The following SHISA9 variants were observed in gnomAD, a reference collection of about 807,000 sequenced individuals.
The protein encoded by SHISA9 is shisa family member 9.
Under a neutral mutation model 38.0 loss-of-function variants are expected in SHISA9, and 13 were observed. That is an observed-to-expected ratio of 0.34 (90% confidence interval 0.22 to 0.54). The LOEUF (loss-of-function observed/expected upper bound fraction) is 0.54. Among genes scored for constraint, SHISA9 ranks in the 20% least tolerant of loss-of-function variants. The pLI is 0.91. For missense variants in SHISA9, 538 were observed against 575.8 expected, an observed-to-expected ratio of 0.93 and a Z score of 0.67; for synonymous variants, 275 against 242.0, an observed-to-expected ratio of 1.14 and a Z score of -1.27.
intron 2 of SHISA9, among the ~76,000 whole-genome samples, chr16:13,010,038 T>G (rs2072651163): frequency 6.6e-6 from 1 of 151,932 alleles, no homozygotes; most frequent in Admixed American, 6.6e-5. Flanking sequence ...ATTAGCTGGT[T>G]GTGGTGGTAC....
chr16:13,552,066 C>T, the SHISA9 span, among the ~76,000 whole-genome samples: 1 of 152,128 alleles, frequency 6.6e-6, no homozygotes, highest in Admixed American at 6.5e-5. Context: ...GGTGGGGACG[C>T]ATTTTGCTTC....
chr16:13,021,161 G>A (rs1213645849), intron 2 of SHISA9, among the ~76,000 whole-genome samples: 1 of 152,162 alleles, frequency 6.6e-6, no homozygotes, highest in Non-Finnish European at 1.5e-5. Flanking sequence ...CTCTCAACCA[G>A]GGACAATTTT....
At chr16:13,205,668 A>G (rs1394313982) in intron 3 of SHISA9, among the ~76,000 whole-genome samples, 1 of 152,184 alleles carries the variant, frequency 6.6e-6, no homozygotes, top group Non-Finnish European at 1.5e-5. Context: ...TCCCTTCTCC[A>G]GAGCTCCCTG....
chr16:13,307,946 A>G, the SHISA9 span, among the ~76,000 whole-genome samples: 1 of 152,190 alleles, frequency 6.6e-6, no homozygotes, highest in Admixed American at 6.5e-5. Flanking sequence ...CTGTTACCAA[A>G]ATGAACTTGC....
chr16:13,539,221 C>T, the SHISA9 span, among the ~76,000 whole-genome samples: 206 of 149,956 alleles, frequency 1.4e-3, 2 homozygotes, highest in African/African-American at 4.9e-3. Context: ...CCTTGACCTC[C>T]CAAGCTCAAG....
the SHISA9 span, among the ~76,000 whole-genome samples, chr16:13,513,382 T>G: frequency 6.6e-6 from 1 of 152,246 alleles, no homozygotes; most frequent in African/African-American, 2.4e-5. Context: ...GTTTTTACAC[T>G]GTTGGTAGGA....
chr16:13,481,250 T>C, the SHISA9 span, among the ~76,000 whole-genome samples: 1 of 152,246 alleles, frequency 6.6e-6, no homozygotes. Flanking sequence ...ATTTAGAATT[T>C]TCATGACATT....
chr16:13,474,775 T>A, the SHISA9 span, among the ~76,000 whole-genome samples: 2 of 152,174 alleles, frequency 1.3e-5, no homozygotes, highest in East Asian at 3.9e-4. Context: ...ATGACAAGAA[T>A]AAGACAACCA....
At chr16:13,280,733 G>A in the SHISA9 span, among the ~76,000 whole-genome samples, 12 of 151,592 alleles carry the variant, frequency 7.9e-5, no homozygotes, top group Non-Finnish European at 1.6e-4. Flanking sequence ...CCCTTTCCTT[G>A]TATCATACCC....
chr16:13,256,905 G>A, the SHISA9 span, among the ~76,000 whole-genome samples: 1 of 152,288 alleles, frequency 6.6e-6, no homozygotes, highest in East Asian at 1.9e-4. Flanking sequence ...TGAAATCAGT[G>A]AACCTTCCCC....
At chr16:12,955,754 A>T (rs2071824461) in intron 2 of SHISA9, among the ~76,000 whole-genome samples, 1 of 152,138 alleles carries the variant, frequency 6.6e-6, no homozygotes, top group Non-Finnish European at 1.5e-5. Context: ...GCAAAAATTA[A>T]CTCAAGATGA....
the SHISA9 span, among the ~76,000 whole-genome samples, chr16:13,546,766 A>G: frequency 2.0e-5 from 3 of 152,134 alleles, no homozygotes; most frequent in Non-Finnish European, 4.4e-5. Flanking sequence ...CCATTTTTAC[A>G]TGTTCATGGC....
At chr16:13,316,800 C>T in the SHISA9 span, among the ~76,000 whole-genome samples, 1 of 152,126 alleles carries the variant, frequency 6.6e-6, no homozygotes, top group Non-Finnish European at 1.5e-5. Context: ...AAATATACAC[C>T]TCCTTCAAGA....
chr16:13,110,246 A>G (rs1351728852), intron 2 of SHISA9, among the ~76,000 whole-genome samples: 1 of 152,148 alleles, frequency 6.6e-6, no homozygotes. Context: ...ATTTCCGCCT[A>G]CTAGTCATTC....
At chr16:13,015,627 G>A (rs7200687) in intron 2 of SHISA9, among the ~76,000 whole-genome samples, 152,077 of 152,236 alleles carry the variant, frequency 1, 75,959 homozygotes, top group Non-Finnish European at 1. Context: ...CAATGCTAGC[G>A]TAAAATTGCC....
intron 2 of SHISA9, among the ~76,000 whole-genome samples, chr16:13,037,516 G>A (rs1024470473): frequency 2.1e-5 from 3 of 142,726 alleles, no homozygotes; most frequent in Non-Finnish European, 4.7e-5. Context: ...AATGTCTGAG[G>A]GTATGGACAG....
At chr16:13,115,475 T>G (rs979059806) in intron 2 of SHISA9, among the ~76,000 whole-genome samples, 3 of 152,254 alleles carry the variant, frequency 2.0e-5, no homozygotes, top group African/African-American at 4.8e-5. Flanking sequence ...AGATCACTAA[T>G]GCTTTTGTTT....
At position 12,916,550 on chromosome 16, in the gene SHISA9, C is replaced by G. The variant is rs957178249; in HGVS notation, c.564-138C>G. On this transcript the variant is annotated intron_variant, in intron 1 of 4. Transcript: ENST00000558583. ...TGATTTTATTTACTTACGTTTTTCT[C>G]TACTCCACCCCTAACTAGAATGGTG... is the stretch of plus-strand genomic sequence containing the variant. The G allele has an allele frequency of 7.3e-5, 75 of 1,023,400 alleles. No individual in the cohort carries two copies. The African/African-American group carries it at 9.9e-4, about 14-fold the overall frequency. 63.4% of individuals were successfully genotyped at this position (1,023,400 alleles called of 1,614,324 possible). A position where few individuals can be genotyped will look rare whatever the true frequency, so the allele number is the denominator to read the frequency against.
intron 2 of SHISA9, among the ~76,000 whole-genome samples, chr16:13,008,652 TCCCTCCCTCCCTTCCTCCCTCCC>T (rs2072629718): frequency 4.6e-5 from 1 of 21,976 alleles, no homozygotes; most frequent in Non-Finnish European, 8.9e-5. Flanking sequence ...CCTCCCTCCC[TCCCTCCCTCCCTTCCTCCCTCCC>T]TCCCTCTCTC....
Sources: allele counts gnomAD v4.1 joint callset (sites outside exome capture counted in the v4.1 genomes callset), GRCh38; gene constraint gnomAD v4.1.1; transcripts MANE v1.5; gene names NCBI Gene and HGNC (gene_info 2026-07-23, HGNC 2026-07-21).